UNC13C: variants seen among roughly 807,000 people sequenced by gnomAD.
UNC13C encodes unc-13 homolog C.
In UNC13C, 174 loss-of-function variants were observed where a neutral mutation model predicts 245.4. The observed-to-expected ratio is 0.71, with a 90% CI of 0.63 to 0.80. The LOEUF (loss-of-function observed/expected upper bound fraction) is 0.80. Ranked by LOEUF, UNC13C falls within the 30% of genes least tolerant of loss-of-function variation. UNC13C has a pLI of 0.00. For missense variants in UNC13C, 2,829 were observed against 2,602.9 expected, an observed-to-expected ratio of 1.09 and a Z score of -1.89; for synonymous variants, 992 against 895.1, an observed-to-expected ratio of 1.11 and a Z score of -1.93.
chr15:54,450,436 G>T (rs12439181), intron 19 of UNC13C, among the ~76,000 whole-genome samples: 44,552 of 152,124 alleles, frequency 0.29, 6,998 homozygotes, highest in East Asian at 0.52. Flanking sequence ...CAGCTTCCTG[G>T]CTGCTTTGTT....
intron 10 of UNC13C, among the ~76,000 whole-genome samples, chr15:54,267,230 G>T (rs12915061): frequency 0.37 from 53,376 of 145,864 alleles, 10,139 homozygotes; most frequent in Middle Eastern, 0.42. Context: ...TCACGTATTC[G>T]GAATATGTTT....
At chr15:54,217,088 C>A (rs1386706629) in intron 4 of UNC13C, among the ~76,000 whole-genome samples, 1 of 151,956 alleles carries the variant, frequency 6.6e-6, no homozygotes, top group Non-Finnish European at 1.5e-5. Flanking sequence ...GAGTCTGGAA[C>A]AATTAGTACT....
intron 10 of UNC13C, among the ~76,000 whole-genome samples, chr15:54,267,561 A>G (rs1461701565): frequency 1.3e-5 from 2 of 152,078 alleles, no homozygotes; most frequent in African/African-American, 4.8e-5. Context: ...TTCTGTATCT[A>G]TTGAGATGAT....
chr15:54,241,778 TG>T (rs1431383661), intron 7 of UNC13C, among the ~76,000 whole-genome samples: 1 of 152,190 alleles, frequency 6.6e-6, no homozygotes, highest in Non-Finnish European at 1.5e-5. Context: ...CAGGAACTTG[TG>T]ATCGGGGCTG....
At chr15:54,582,853 G>A (rs967237033) in intron 30 of UNC13C, among the ~76,000 whole-genome samples, 2 of 152,216 alleles carry the variant, frequency 1.3e-5, no homozygotes, top group Admixed American at 1.3e-4. Context: ...TATTACTTAA[G>A]TAATGTGCTA....
intron 2 of UNC13C, among the ~76,000 whole-genome samples, chr15:54,057,666 C>G (rs1897599901): frequency 6.6e-6 from 1 of 152,168 alleles, no homozygotes; most frequent in Non-Finnish European, 1.5e-5. Context: ...ACATTCTTTT[C>G]AGCACCACAC....
Position 54,015,437 on chromosome 15 carries a change from G to T in UNC13C, c.2534G>T (p.Ser845Ile). 1 of 1,613,612 alleles carries T rather than the reference G, an allele frequency of 6.2e-7. No homozygotes were observed. The highest frequency in any genetic ancestry group is 8.5e-7 in the Non-Finnish European group (1 of 1,179,828). ...TLSQSTANES[S>I]TTLDSDVYTE... is the part of the protein sequence containing the mutation. ...TCTCAATCAACTGCAAATGAGTCAA[G>T]TACCACACTTGACTCTGATGTCTAC... Residue 845 changes from serine to isoleucine, a missense_variant, in exon 2 of 33, where the codon AGT (serine) becomes ATT (isoleucine). By Grantham distance (142) the Ser-to-Ile change is moderately radical. Coordinates refer to ENST00000260323, the MANE Select transcript of UNC13C (RefSeq NM_001080534.3).
the UNC13C span, among the ~76,000 whole-genome samples, chr15:53,861,552 C>A: frequency 6.6e-6 from 1 of 152,110 alleles, no homozygotes; most frequent in Non-Finnish European, 1.5e-5. Flanking sequence ...TTGTCAAAAA[C>A]TCATTTCTTA....
chr15:54,135,320 G>A (rs983869127), intron 2 of UNC13C, among the ~76,000 whole-genome samples: 24 of 152,068 alleles, frequency 1.6e-4, no homozygotes, highest in African/African-American at 5.1e-4. Context: ...ACCTGTTTAT[G>A]TTTTATTTTG....
chr15:54,213,452 G>A (rs973617724), intron 4 of UNC13C, among the ~76,000 whole-genome samples: 1 of 151,928 alleles, frequency 6.6e-6, no homozygotes, highest in Non-Finnish European at 1.5e-5. Context: ...ATTATAAAAG[G>A]AATAAATGTA....
intron 2 of UNC13C, among the ~76,000 whole-genome samples, chr15:54,118,249 AT>A (rs1490614644): frequency 3.9e-5 from 6 of 152,092 alleles, no homozygotes; most frequent in African/African-American, 1.4e-4. Flanking sequence ...TTTGGGTACT[AT>A]ATTCATTTTA....
intron 2 of UNC13C, among the ~76,000 whole-genome samples, chr15:54,038,140 T>TTTTTTTTC (rs1555406257): frequency 1.6e-5 from 2 of 127,582 alleles, no homozygotes; most frequent in African/African-American, 3.2e-5. Flanking sequence ...TTTTTTTTTT[T>TTTTTTTTC]CCTGAGACAG....
At chr15:53,894,967 G>A in the UNC13C span, among the ~76,000 whole-genome samples, 1 of 149,920 alleles carries the variant, frequency 6.7e-6, no homozygotes, top group Non-Finnish European at 1.5e-5. Flanking sequence ...TGATAATTAT[G>A]TTTATCAATA....
the UNC13C span, among the ~76,000 whole-genome samples, chr15:53,882,905 G>A: frequency 1.3e-5 from 2 of 152,128 alleles, no homozygotes; most frequent in South Asian, 4.2e-4. Flanking sequence ...GAGGGTGGAA[G>A]GTAGGAGGAG....
At chr15:53,848,758 A>T in the UNC13C span, among the ~76,000 whole-genome samples, 1,783 of 152,170 alleles carry the variant, frequency 0.012, 31 homozygotes, top group African/African-American at 0.041. Context: ...TTTCAACATA[A>T]TTATGGTTTT....
chr15:54,509,719 C>T (rs1212323779), intron 23 of UNC13C, among the ~76,000 whole-genome samples: 2 of 151,768 alleles, frequency 1.3e-5, no homozygotes, highest in Non-Finnish European at 2.9e-5. Context: ...TTCTTTTTTT[C>T]ATTTACTATG....
chr15:54,390,376 A>C (rs1297201901), intron 17 of UNC13C, among the ~76,000 whole-genome samples: 2 of 152,154 alleles, frequency 1.3e-5, no homozygotes, highest in African/African-American at 4.8e-5. Context: ...GACTTTGTAA[A>C]CATGACCATT....
chr15:54,321,843 G>A, intron 13 of UNC13C, 96 bp from the exon 14 acceptor site: 2 of 1,198,778 alleles, frequency 1.7e-6, no homozygotes, highest in Non-Finnish European at 1.2e-6. Flanking sequence ...TTTCATAGAT[G>A]TAGCTGTGGA....
At chr15:54,412,845 G>A (rs1027764124) in intron 18 of UNC13C, among the ~76,000 whole-genome samples, 1 of 152,124 alleles carries the variant, frequency 6.6e-6, no homozygotes, top group Non-Finnish European at 1.5e-5. Flanking sequence ...AATACTGAGA[G>A]TCAACATCAT....
Sources: gnomAD v4.1 joint callset for allele counts (sites outside exome capture counted in the v4.1 genomes callset) on GRCh38, gnomAD v4.1.1 for gene constraint, MANE v1.5 for transcripts, NCBI Gene and HGNC (gene_info 2026-07-23, HGNC 2026-07-21) for gene names.